PDGFC: variants seen among roughly 807,000 people sequenced by gnomAD.
PDGFC encodes platelet-derived growth factor C.
PDGFC carries 12 observed loss-of-function variants against 35.5 expected under a neutral mutation model. The ratio of observed to expected loss-of-function variants is 0.34; its 90% CI spans 0.22 to 0.55. The LOEUF (loss-of-function observed/expected upper bound fraction) is 0.55, where lower values mean the gene tolerates loss of function less well. PDGFC is among the 20% of genes least tolerant of loss of function. PDGFC has a pLI of 0.91. For missense variants in PDGFC, 322 were observed against 412.4 expected (o/e 0.78, Z 1.90); for synonymous variants, 159 against 148.8 (o/e 1.07, Z -0.50).
At chr4:156,787,021 G>C (rs1731147100) in intron 3 of PDGFC, among the ~76,000 whole-genome samples, 1 of 152,154 alleles carries the variant, frequency 6.6e-6, no homozygotes, top group Non-Finnish European at 1.5e-5. Flanking sequence ...GAAGATTCTA[G>C]GTTACATGGG....
intron 1 of PDGFC, chr4:156,876,732 A>G (rs1476029710): frequency 6.6e-6 from 1 of 152,202 alleles, no homozygotes; most frequent in East Asian, 1.9e-4. Context: ...GCTTCTGGTG[A>G]GAACCTTGGA....
At chr4:156,774,188 G>A (rs571341518) in intron 3 of PDGFC, among the ~76,000 whole-genome samples, 15 of 152,078 alleles carry the variant, frequency 9.9e-5, no homozygotes, top group Non-Finnish European at 2.2e-4. Flanking sequence ...ACTGACCTCT[G>A]CTCACCTTCC....
At chr4:156,863,397 A>G (rs74958337) in intron 1 of PDGFC, among the ~76,000 whole-genome samples, 2,430 of 152,286 alleles carry the variant, frequency 0.016, 63 homozygotes, top group African/African-American at 0.055. Context: ...TCACAAGTGT[A>G]TATTTTCCTA....
chr4:156,954,408 C>T (rs1337925019), intron 1 of PDGFC, among the ~76,000 whole-genome samples: 1 of 151,804 alleles, frequency 6.6e-6, no homozygotes, highest in Non-Finnish European at 1.5e-5. Context: ...CTCAAAACCT[C>T]AAAGCAAAAG....
At chr4:156,899,828 A>T (rs2110758235) in intron 1 of PDGFC, among the ~76,000 whole-genome samples, 1 of 152,334 alleles carries the variant, frequency 6.6e-6, no homozygotes, top group South Asian at 2.1e-4. Flanking sequence ...AAATTAATTC[A>T]TTAAAATTAT....
intron 1 of PDGFC, among the ~76,000 whole-genome samples, chr4:156,958,089 A>G (rs1049943702): frequency 6.6e-6 from 1 of 151,942 alleles, no homozygotes; most frequent in Admixed American, 6.6e-5. Flanking sequence ...ACATGATACT[A>G]TCGCTTTTTA....
intron 1 of PDGFC, among the ~76,000 whole-genome samples, chr4:156,883,328 GATTGT>G (rs1730292580): frequency 6.6e-6 from 1 of 152,108 alleles, no homozygotes; most frequent in Non-Finnish European, 1.5e-5. Context: ...TCAATGGAAA[GATTGT>G]ATTAAAGTCA....
At chr4:156,960,273 T>TATATATATATATATAA (rs1390089950) in intron 1 of PDGFC, among the ~76,000 whole-genome samples, 4 of 147,556 alleles carry the variant, frequency 2.7e-5, no homozygotes, top group African/African-American at 7.4e-5. Flanking sequence ...TATATATATA[T>TATATATATATATATAA]AAAACTATAA....
intron 1 of PDGFC, chr4:156,861,503 G>A: frequency 3.4e-6 from 4 of 1,165,604 alleles, no homozygotes; most frequent in Non-Finnish European, 3.4e-6. Flanking sequence ...CCAGTAGATG[G>A]AGATAGTAAA....
Position 156,762,941 on chromosome 4 carries a change from C to T in PDGFC, c.*149G>A, listed in dbSNP as rs1472577454. On this transcript the variant is annotated 3_prime_UTR_variant, in exon 6 of 6. Transcript: ENST00000502773. ...CAACTCCTAATTCTGTTTGATGTCT[C>T]CTCTTTCAGAATGCACTGTAAATCC... 7.1e-6 allele frequency: 4 copies of T among 563,782 alleles called. No individual in the cohort carries two copies. Among genetic ancestry groups the T allele is most frequent in the East Asian group, 5.6e-5 (2 of 35,910 alleles). The allele number at this position is 563,782 out of a possible 1,614,324, so 34.9% of individuals were successfully genotyped here.
chr4:156,816,546 T>A (rs1021346489), intron 2 of PDGFC, among the ~76,000 whole-genome samples: 1 of 152,172 alleles, frequency 6.6e-6, no homozygotes, highest in Non-Finnish European at 1.5e-5. Flanking sequence ...AGGTACTTTT[T>A]ATATAGTAAC....
At chr4:156,938,156 C>G (rs1560881862) in intron 1 of PDGFC, among the ~76,000 whole-genome samples, 1 of 151,952 alleles carries the variant, frequency 6.6e-6, no homozygotes, top group East Asian at 1.9e-4. Flanking sequence ...CACACACATA[C>G]ATAACATACT....
At chr4:156,903,104 A>AGAGTGTGTGTGT (rs368483475) in intron 1 of PDGFC, among the ~76,000 whole-genome samples, 9 of 130,680 alleles carry the variant, frequency 6.9e-5, no homozygotes, top group African/African-American at 2.2e-4. Flanking sequence ...AGAGAGAGAG[A>AGAGTGTGTGTGT]GTGTGTGTGT....
At chr4:156,934,221 T>C (rs562914763) in intron 1 of PDGFC, among the ~76,000 whole-genome samples, 2 of 152,338 alleles carry the variant, frequency 1.3e-5, no homozygotes, top group Admixed American at 6.5e-5. Flanking sequence ...GTATGGCCTA[T>C]TGCACACGTA....
At chr4:156,923,412 A>C (rs1043161167) in intron 1 of PDGFC, among the ~76,000 whole-genome samples, 2 of 152,230 alleles carry the variant, frequency 1.3e-5, no homozygotes, top group African/African-American at 4.8e-5. Flanking sequence ...AAATAGCCCC[A>C]CTATTCAATT....
intron 1 of PDGFC, among the ~76,000 whole-genome samples, chr4:156,965,820 A>G (rs1460550347): frequency 6.6e-6 from 1 of 152,162 alleles, no homozygotes; most frequent in Non-Finnish European, 1.5e-5. Context: ...AGGAAAAAAG[A>G]TAGAAATTTT....
At chr4:156,867,432 C>T (rs1729871235) in intron 1 of PDGFC, among the ~76,000 whole-genome samples, 1 of 152,200 alleles carries the variant, frequency 6.6e-6, no homozygotes, top group Non-Finnish European at 1.5e-5. Flanking sequence ...AATGTCTTCA[C>T]ATTCACAATC....
At chr4:156,874,506 C>T (rs1210683429) in intron 1 of PDGFC, among the ~76,000 whole-genome samples, 2 of 152,030 alleles carry the variant, frequency 1.3e-5, no homozygotes, top group African/African-American at 2.4e-5. Flanking sequence ...GCAAAACAGT[C>T]CTTATATGCT....
chr4:156,936,587 A>G (rs979105474), intron 1 of PDGFC, among the ~76,000 whole-genome samples: 1 of 152,150 alleles, frequency 6.6e-6, no homozygotes, highest in African/African-American at 2.4e-5. Flanking sequence ...AAGAAACACT[A>G]GAGAAGAATC....
Sources: allele counts gnomAD v4.1 joint callset (sites outside exome capture counted in the v4.1 genomes callset), GRCh38; gene constraint gnomAD v4.1.1; transcripts MANE v1.5; gene names NCBI Gene and HGNC (gene_info 2026-07-23, HGNC 2026-07-21).